Variants in NALCN observed in about 807,000 individuals in gnomAD.
NALCN encodes sodium leak channel NALCN.
NALCN carries 111 observed loss-of-function variants against 225.3 expected under a neutral mutation model. The observed-to-expected ratio is 0.49, with a 90% CI of 0.42 to 0.58. The LOEUF (loss-of-function observed/expected upper bound fraction) is 0.58, where lower values mean the gene tolerates loss of function less well. Among genes scored for constraint, NALCN ranks in the 20% least tolerant of loss-of-function variants. NALCN has a pLI of 0.00. For missense variants in NALCN, 1,378 were observed against 2,202.4 expected, an observed-to-expected ratio of 0.63 and a Z score of 7.49; for synonymous variants, 764 against 769.0, an observed-to-expected ratio of 0.99 and a Z score of 0.11.
intron 27 of NALCN, 101 bp downstream of exon 27, chr13:101,100,683 A>T: frequency 2.3e-6 from 2 of 871,172 alleles, no homozygotes; most frequent in Non-Finnish European, 3.4e-6. Flanking sequence ...AGTTTCAAGT[A>T]ATCTTCCCTC....
intron 17 of NALCN, among the ~76,000 whole-genome samples, chr13:101,130,792 C>T (rs1566313996): frequency 6.6e-6 from 1 of 152,070 alleles, no homozygotes; most frequent in Non-Finnish European, 1.5e-5. Context: ...AATTTAAAGA[C>T]CTGTCATTTG....
intron 7 of NALCN, among the ~76,000 whole-genome samples, chr13:101,310,048 A>G (rs1249595701): frequency 6.6e-6 from 1 of 152,152 alleles, no homozygotes; most frequent in East Asian, 1.9e-4. Flanking sequence ...GTAAACATGA[A>G]CACTATATTC....
intron 10 of NALCN, among the ~76,000 whole-genome samples, chr13:101,277,812 ACACT>A (rs1389547011): frequency 2.0e-5 from 3 of 152,182 alleles, no homozygotes; most frequent in Non-Finnish European, 4.4e-5. Flanking sequence ...GGTAGGTAAA[ACACT>A]CACCTCCAGT....
At chr13:101,067,053 G>A (rs2032451299) in intron 39 of NALCN, among the ~76,000 whole-genome samples, 1 of 151,792 alleles carries the variant, frequency 6.6e-6, no homozygotes, top group South Asian at 2.1e-4. Flanking sequence ...CTATTAGACT[G>A]TAAGCTCTGT....
chr13:101,156,635 A>G (rs1471318240), intron 15 of NALCN, among the ~76,000 whole-genome samples: 1 of 152,074 alleles, frequency 6.6e-6, no homozygotes, highest in South Asian at 2.1e-4. Flanking sequence ...CTCCTGTGGC[A>G]TCTCCCCTCT....
At chr13:101,197,902 G>C (rs1036412137) in intron 13 of NALCN, among the ~76,000 whole-genome samples, 1 of 152,146 alleles carries the variant, frequency 6.6e-6, no homozygotes, top group Non-Finnish European at 1.5e-5. Flanking sequence ...GATGTTCCCA[G>C]GAATCAGTCT....
At chr13:101,124,326 A>G (rs1008217049) in intron 18 of NALCN, among the ~76,000 whole-genome samples, 7 of 152,174 alleles carry the variant, frequency 4.6e-5, no homozygotes, top group African/African-American at 1.7e-4. Context: ...TAAAACTGTT[A>G]AAAATAACAG....
intron 34 of NALCN, among the ~76,000 whole-genome samples, chr13:101,077,477 G>A (rs2033334520): frequency 6.6e-6 from 1 of 152,144 alleles, no homozygotes; most frequent in Admixed American, 6.5e-5. Flanking sequence ...AGGCTGAGGT[G>A]GTCTCAGGTG....
At chr13:101,361,868 C>A (rs139431627) in intron 6 of NALCN, among the ~76,000 whole-genome samples, 1 of 152,016 alleles carries the variant, frequency 6.6e-6, no homozygotes, top group East Asian at 1.9e-4. Context: ...TTCTTTTAGA[C>A]CCCCATTCAA....
Position 101,143,144 on chromosome 13 carries a change from G to C in NALCN, c.2054C>G (p.Ser685Cys). The C allele has an allele frequency of 6.2e-7, 1 of 1,614,172 alleles. No homozygotes were observed. Among genetic ancestry groups the C allele is most frequent in the Non-Finnish European group, 8.5e-7 (1 of 1,180,032 alleles). The change falls in exon 17 of 44, where the codon TCT (serine) becomes TGT (cysteine). Residue 685 changes from serine (S) to cysteine (C), a missense_variant. Physicochemically the swap from Ser to Cys is moderately radical, Grantham distance 112. This residue lies in a region of NALCN where 100 missense variants were observed against 89.4 expected (regional missense o/e 1.12). Coordinates refer to ENST00000251127, the MANE Select transcript of NALCN (RefSeq NM_052867.4). ...CCLLRSLPTT[S>C]SSSCDHSKRS... ...TTTGGAGTGGTCGCAGGAGGAGGAA[G>C]AGGTGGTCGGGAGGCTTCTCAGGAG... is the stretch of plus-strand genomic sequence containing the variant.
chr13:101,196,909 A>G (rs2039913523), intron 13 of NALCN, among the ~76,000 whole-genome samples: 1 of 152,042 alleles, frequency 6.6e-6, no homozygotes, highest in Admixed American at 6.6e-5. Flanking sequence ...ACCCCTCTTT[A>G]TCCTGAGCTT....
At chr13:101,275,484 CTGCATTCTCA>C (rs1378802808) in intron 10 of NALCN, among the ~76,000 whole-genome samples, 1 of 152,154 alleles carries the variant, frequency 6.6e-6, no homozygotes, top group Non-Finnish European at 1.5e-5. Context: ...CCCAGGAAAA[CTGCATTCTCA>C]TCCCCATTTT....
At chr13:101,105,619 C>G (rs2035053610) in intron 22 of NALCN, among the ~76,000 whole-genome samples, 3 of 124,076 alleles carry the variant, frequency 2.4e-5, no homozygotes, top group African/African-American at 8.5e-5. Flanking sequence ...AGGCAGCCAA[C>G]AGGATAATTC....
chr13:101,061,675 C>T, intron 41 of NALCN, among the ~76,000 whole-genome samples: 1 of 152,168 alleles, frequency 6.6e-6, no homozygotes, highest in East Asian at 1.9e-4. Flanking sequence ...TGAGCCACCA[C>T]ACCTGGCCAA....
At chr13:101,128,554 AT>A (rs373899990) in intron 17 of NALCN, among the ~76,000 whole-genome samples, 60 of 145,348 alleles carry the variant, frequency 4.1e-4, no homozygotes, top group African/African-American at 9.3e-4. Flanking sequence ...TTGAGTCTGG[AT>A]TTTTTTTTTT....
At chr13:101,227,177 C>A (rs1284817252) in intron 13 of NALCN, among the ~76,000 whole-genome samples, 1 of 152,156 alleles carries the variant, frequency 6.6e-6, no homozygotes, top group Non-Finnish European at 1.5e-5. Context: ...CAGCTCAACA[C>A]CTGTCTAAGG....
At chr13:101,192,101 A>T in intron 13 of NALCN, 47 bp from the exon 14 acceptor site, 1 of 1,557,006 alleles carries the variant, frequency 6.4e-7, no homozygotes, top group Non-Finnish European at 8.6e-7. Flanking sequence ...TTAGGCTTGC[A>T]TACAACTTCA....
intron 3 of NALCN, among the ~76,000 whole-genome samples, chr13:101,391,066 AT>A (rs1375992147): frequency 1.1e-4 from 16 of 152,146 alleles, no homozygotes; most frequent in Admixed American, 8.5e-4. Flanking sequence ...TAATAAAAAT[AT>A]TTTTAAAGGA....
At chr13:101,335,891 T>C (rs549631314) in intron 7 of NALCN, among the ~76,000 whole-genome samples, 11 of 152,266 alleles carry the variant, frequency 7.2e-5, no homozygotes, top group African/African-American at 2.6e-4. Context: ...TATGGTAGCA[T>C]GAAATATGCT....
Sources: allele counts gnomAD v4.1 joint callset (sites outside exome capture counted in the v4.1 genomes callset), GRCh38; gene constraint gnomAD v4.1.1; regional missense constraint gnomAD v4.1.1; transcripts MANE v1.5; gene names NCBI Gene and HGNC (gene_info 2026-07-23, HGNC 2026-07-21).